The following COL4A2 variants were observed in gnomAD, a reference collection of about 807,000 sequenced individuals.
The protein encoded by COL4A2 is collagen alpha-2(IV) chain.
In COL4A2, 99 loss-of-function variants were observed where a neutral mutation model predicts 200.2. The ratio of observed to expected loss-of-function variants is 0.49; its 90% confidence interval spans 0.42 to 0.58. COL4A2 has a LOEUF of 0.58. Ranked by LOEUF, COL4A2 falls within the 20% of genes least tolerant of loss-of-function variation. The pLI, the probability that COL4A2 is intolerant of heterozygous loss-of-function variation, is 0.00. For missense variants in COL4A2, 1,950 were observed against 2,314.1 expected (o/e 0.84, Z 3.23); for synonymous variants, 897 against 900.6 (o/e 1.00, Z 0.07).
intron 3 of COL4A2, among the ~76,000 whole-genome samples, chr13:110,329,307 A>AC (rs1295617334): frequency 6.6e-6 from 1 of 152,190 alleles, no homozygotes; most frequent in Non-Finnish European, 1.5e-5. Flanking sequence ...ACCACCCTCC[A>AC]CCACCCCACT....
chr13:110,493,311 C>G (rs1425637881), intron 39 of COL4A2, 29 bp downstream of exon 39: 1 of 1,612,274 alleles, frequency 6.2e-7, no homozygotes, highest in African/African-American at 1.3e-5. Flanking sequence ...GCCCCGAGTC[C>G]CACGCAGAGG....
intron 24 of COL4A2, among the ~76,000 whole-genome samples, chr13:110,464,078 T>C: frequency 6.6e-6 from 1 of 152,092 alleles, no homozygotes; most frequent in Middle Eastern, 3.2e-3. Context: ...GGTGTGCTCA[T>C]GTGTGTATGT....
intron 28 of COL4A2, among the ~76,000 whole-genome samples, chr13:110,471,729 G>A (rs1882475319): frequency 6.6e-6 from 1 of 152,186 alleles, no homozygotes; most frequent in Admixed American, 6.5e-5. Flanking sequence ...ACCGGCCCAG[G>A]AGGTCCCCGG....
In COL4A2 at chr13:110,477,996, C is replaced by G. The variant is rs750313000; in HGVS notation, c.2426-7C>G. 5.2e-6 allele frequency: 8 copies of G among 1,550,454 alleles called. No homozygotes were observed. The highest frequency in any genetic ancestry group is 3.9e-5 in the Admixed American group (2 of 51,198). ...GCCCCCACAGCTCTTGTCTCTGATT[C>G]CTGCAGGAAGCCAAGGGATGCCTGG... is the stretch of plus-strand genomic sequence containing the variant. On this transcript the variant is annotated splice_region_variant and splice_polypyrimidine_tract_variant and intron_variant, in intron 29 of 47. Transcript: ENST00000360467.
chr13:110,342,806 C>T (rs1290817185), intron 3 of COL4A2, among the ~76,000 whole-genome samples: 3 of 152,292 alleles, frequency 2.0e-5, no homozygotes, highest in Non-Finnish European at 4.4e-5. Context: ...GAGACCCGCA[C>T]ACCCGACTGG....
chr13:110,467,593 G>A (rs1262071288), intron 27 of COL4A2, among the ~76,000 whole-genome samples: 1 of 152,256 alleles, frequency 6.6e-6, no homozygotes, highest in Non-Finnish European at 1.5e-5. Flanking sequence ...CTCAGCCCAT[G>A]TGAGAAAGAG....
chr13:110,484,447 A>AC (rs1049696719), intron 32 of COL4A2, among the ~76,000 whole-genome samples: 2 of 151,150 alleles, frequency 1.3e-5, no homozygotes, highest in East Asian at 3.9e-4. Context: ...GCTCCTCAGA[A>AC]CCCCCCGGAG....
intron 3 of COL4A2, among the ~76,000 whole-genome samples, chr13:110,318,322 A>G (rs57900636): frequency 0.059 from 8,738 of 147,566 alleles, 849 homozygotes; most frequent in African/African-American, 0.21. Flanking sequence ...GCGCGCGGGT[A>G]TGGTTTGGGT....
intron 3 of COL4A2, among the ~76,000 whole-genome samples, chr13:110,333,865 G>A (rs563579153): frequency 6.6e-6 from 1 of 152,336 alleles, no homozygotes; most frequent in Non-Finnish European, 1.5e-5. Flanking sequence ...CCTGGGCAAG[G>A]TGCTTTACAC....
chr13:110,439,789 G>C lies in COL4A2; in HGVS notation c.913G>C (p.Gly305Arg). 1 of 1,613,876 alleles carries C rather than the reference G, an allele frequency of 6.2e-7. No homozygotes were observed. Among genetic ancestry groups the C allele is most frequent in the Non-Finnish European group, 8.5e-7 (1 of 1,179,938 alleles). The change falls in exon 16 of 48, where the codon GGT becomes CGT. Residue 305 changes from glycine (G) to arginine (R), a missense_variant and splice_region_variant. Physicochemically the swap from Gly to Arg is moderately radical, Grantham distance 125. Coordinates refer to ENST00000360467, the MANE Select transcript of COL4A2 (RefSeq NM_001846.4). ...EGIMGFPGLR[G>R]YPGLSGEKGS... is the part of the protein sequence containing the mutation. ...TGCTTCTGTTTTTTGTTCATTCCAG[G>C]GTTACCCTGGCTTGAGTGGTGAAAA... is the stretch of plus-strand genomic sequence containing the variant.
intron 47 of COL4A2, among the ~76,000 whole-genome samples, chr13:110,511,179 G>A (rs1202810424): frequency 6.6e-6 from 1 of 150,812 alleles, no homozygotes; most frequent in African/African-American, 2.4e-5. Flanking sequence ...GAGGCCTGCC[G>A]TGCGCTTCCA....
At chr13:110,309,438 C>T (rs1429051265) in intron 3 of COL4A2, among the ~76,000 whole-genome samples, 2 of 152,236 alleles carry the variant, frequency 1.3e-5, no homozygotes, top group African/African-American at 4.8e-5. Context: ...GCATGTAAGA[C>T]TTGGCTCAGA....
intron 4 of COL4A2, among the ~76,000 whole-genome samples, chr13:110,359,378 G>T (rs1877421647): frequency 6.6e-6 from 1 of 152,204 alleles, no homozygotes; most frequent in Admixed American, 6.5e-5. Flanking sequence ...ATGTGTGAAG[G>T]TGTGGGGAGT....
chr13:110,459,668 A>C (rs1881942306), intron 22 of COL4A2: 1 of 152,232 alleles, frequency 6.6e-6, no homozygotes, highest in South Asian at 2.1e-4. Flanking sequence ...ATGGTTGCAC[A>C]ACCTTGTGAA....
At chr13:110,445,424 A>G (rs1182120536) in intron 16 of COL4A2, among the ~76,000 whole-genome samples, 1 of 152,194 alleles carries the variant, frequency 6.6e-6, no homozygotes, top group East Asian at 1.9e-4. Flanking sequence ...ACTCACGTGG[A>G]GGAAACGTGG....
intron 40 of COL4A2, among the ~76,000 whole-genome samples, chr13:110,499,073 G>A (rs542372788): frequency 2.6e-5 from 4 of 152,320 alleles, no homozygotes; most frequent in African/African-American, 9.6e-5. Context: ...AGGGAAAGAC[G>A]ACCTTCCATG....
At chr13:110,362,213 T>C (rs1273236271) in intron 4 of COL4A2, among the ~76,000 whole-genome samples, 2 of 152,228 alleles carry the variant, frequency 1.3e-5, no homozygotes, top group Non-Finnish European at 2.9e-5. Context: ...CTTTAACAAA[T>C]GATTCAGGGC....
chr13:110,454,715 C>T (rs4474567), intron 20 of COL4A2, among the ~76,000 whole-genome samples: 10,603 of 152,152 alleles, frequency 0.07, 535 homozygotes, highest in East Asian at 0.19. Context: ...CTGCACTCCC[C>T]GCCGGATGAA....
At chr13:110,400,482 T>C (rs1879332762) in intron 4 of COL4A2, among the ~76,000 whole-genome samples, 3 of 152,270 alleles carry the variant, frequency 2.0e-5, no homozygotes, top group African/African-American at 4.8e-5. Context: ...TATTCAAAAT[T>C]AAGACAGCAG....
Sources: gnomAD v4.1 joint callset for allele counts (sites outside exome capture counted in the v4.1 genomes callset) on GRCh38, gnomAD v4.1.1 for gene constraint, MANE v1.5 for transcripts, NCBI Gene and HGNC (gene_info 2026-07-23, HGNC 2026-07-21) for gene names.